ABTB2: variants seen among roughly 807,000 people sequenced by gnomAD.
ABTB2 encodes ankyrin repeat and BTB domain containing 2, also known as ankyrin repeat and BTB/POZ domain-containing protein 2.
In ABTB2, 56 loss-of-function variants were observed where a neutral mutation model predicts 104.1. The ratio of observed to expected loss-of-function variants is 0.54; its 90% CI spans 0.43 to 0.67. The LOEUF (loss-of-function observed/expected upper bound fraction) is 0.67. Ranked by LOEUF, ABTB2 falls within the 30% of genes least tolerant of loss-of-function variation. The pLI is 0.00. For missense variants in ABTB2, 1,279 were observed against 1,407.7 expected (o/e 0.91, Z 1.46); for synonymous variants, 606 against 608.2 (o/e 1.00, Z 0.05).
intron 1 of ABTB2, among the ~76,000 whole-genome samples, chr11:34,237,446 C>T (rs923597870): frequency 6.6e-6 from 1 of 151,956 alleles, no homozygotes; most frequent in Non-Finnish European, 1.5e-5. Flanking sequence ...CCTGGCCTTT[C>T]CTGGATATTC....
In ABTB2 at chr11:34,252,445, C is replaced by T. The variant is rs1854067345; in HGVS notation, c.884-47755G>A. 6.6e-6 allele frequency among the ~76,000 whole-genome samples: 1 copy of T among 152,132 alleles called. No individual in the cohort carries two copies. The highest frequency in any genetic ancestry group is 1.5e-5 in the Non-Finnish European group (1 of 68,026). ...CCTCCTCAGTCACAGGGGGAGAGTG[C>T]CATCTGGACATCATGACCTCCCCAC... On this transcript the variant is annotated intron_variant, in intron 1 of 16. Coordinates refer to ENST00000435224, the MANE Select transcript of ABTB2 (RefSeq NM_145804.3). This position sits in a 1 kb window ranked among gnomAD's most constrained non-coding sequence, Gnocchi z 5.5.
At position 34,171,037 on chromosome 11, in the gene ABTB2, C is replaced by T. The variant is rs372144525; in HGVS notation, c.1432G>A (p.Asp478Asn). 3.1e-6 allele frequency: 5 copies of T among 1,614,042 alleles called. No individual in the cohort carries two copies. The highest frequency in any genetic ancestry group is 4.5e-5 in the East Asian group (2 of 44,900). The change falls in exon 5 of 17, where the codon GAT (aspartate) becomes AAT (asparagine). Residue 478 changes from aspartate (D) to asparagine (N), a missense_variant. Asp to Asn is a conservative substitution (Grantham distance 23). Transcript: ENST00000435224. ...EHCFSSFRRLDARAATEKFNQ... is the reference protein window; with the variant it reads ...EHCFSSFRRLNARAATEKFNQ... ...AATTTTTCAGTAGCTGCTCGGGCAT[C>T]CAGCCTCCGGAAGGAACTGAAACAG...
intron 1 of ABTB2, among the ~76,000 whole-genome samples, chr11:34,343,983 C>T (rs1293081700): frequency 6.6e-6 from 1 of 152,154 alleles, no homozygotes; most frequent in African/African-American, 2.4e-5. Context: ...GCACCCTGCC[C>T]CTCCTGAGCA....
intron 1 of ABTB2, among the ~76,000 whole-genome samples, chr11:34,337,250 T>A (rs1315853527): frequency 1.3e-5 from 2 of 151,852 alleles, no homozygotes; most frequent in African/African-American, 4.8e-5. Flanking sequence ...GGGAGAAGAG[T>A]TGCATGCAGG....
chr11:34,313,583 G>A (rs61585694), intron 1 of ABTB2, among the ~76,000 whole-genome samples: 3,568 of 152,276 alleles, frequency 0.023, 137 homozygotes, highest in African/African-American at 0.077. Flanking sequence ...GAGGATGTGC[G>A]GAGAATATCT....
chr11:34,241,762 T>C (rs1183256138), intron 1 of ABTB2, among the ~76,000 whole-genome samples: 1 of 152,218 alleles, frequency 6.6e-6, no homozygotes, highest in Non-Finnish European at 1.5e-5. Flanking sequence ...AATCCCCATC[T>C]TGTATTCACC....
chr11:34,274,158 C>CAAAAAAAAA (rs763755237), intron 1 of ABTB2, among the ~76,000 whole-genome samples: 2 of 50,744 alleles, frequency 3.9e-5, no homozygotes. Flanking sequence ...GACTCCGTCT[C>CAAAAAAAAA]AAAAAAAAAA....
intron 16 of ABTB2, among the ~76,000 whole-genome samples, 175 bp from the exon 17 acceptor site, chr11:34,152,759 AG>A (rs1317743380): frequency 1.3e-5 from 2 of 152,154 alleles, no homozygotes; most frequent in Non-Finnish European, 2.9e-5. Flanking sequence ...TGAACTGTTC[AG>A]CCCCCGTCAT....
At chr11:34,311,863 G>A (rs1453694882) in intron 1 of ABTB2, among the ~76,000 whole-genome samples, 7 of 152,172 alleles carry the variant, frequency 4.6e-5, no homozygotes, top group Non-Finnish European at 8.8e-5. Flanking sequence ...AATGGGGGCC[G>A]GGCATGGTGG....
chr11:34,293,822 T>C (rs1004467629), intron 1 of ABTB2, among the ~76,000 whole-genome samples: 7 of 152,106 alleles, frequency 4.6e-5, no homozygotes, highest in Admixed American at 6.6e-5. Context: ...CCTCCTGGGT[T>C]CAAGCGATTC....
chr11:34,314,763 AG>A (rs573417116), intron 1 of ABTB2, among the ~76,000 whole-genome samples: 136 of 152,290 alleles, frequency 8.9e-4, no homozygotes, highest in African/African-American at 3.1e-3. Flanking sequence ...TGAAAATGGG[AG>A]GCTCCTTGTT....
rs535045787 is a variant in ABTB2 at position 34,327,226 on chromosome 11, C to G, written c.883+29475G>C. On this transcript the variant is annotated intron_variant, in intron 1 of 16. Transcript: ENST00000435224. Reference sequence around the variant, plus strand: ...ATTAAATGTATGGAAAAACATTACGCAAACGTATCAAAAGAAAGCTGGAGT... The same window carrying G: ...ATTAAATGTATGGAAAAACATTACGGAAACGTATCAAAAGAAAGCTGGAGT... Among the ~76,000 whole-genome samples, 10 of 152,310 alleles carry G rather than the reference C, an allele frequency of 6.6e-5. No homozygotes were observed. The East Asian group carries it at 1.7e-3, about 26-fold the overall frequency.
chr11:34,206,808 C>G (rs1357455865), intron 1 of ABTB2, among the ~76,000 whole-genome samples: 1 of 152,170 alleles, frequency 6.6e-6, no homozygotes, highest in Non-Finnish European at 1.5e-5. Context: ...GCTTGACCTT[C>G]CCCTGACCCA....
At chr11:34,247,953 T>C (rs1854005057) in intron 1 of ABTB2, among the ~76,000 whole-genome samples, 1 of 152,194 alleles carries the variant, frequency 6.6e-6, no homozygotes, top group East Asian at 1.9e-4. Flanking sequence ...GGCATGTATA[T>C]GCTGTGTATT....
chr11:34,199,911 G>A (rs937420875), intron 2 of ABTB2, among the ~76,000 whole-genome samples: 4 of 152,182 alleles, frequency 2.6e-5, no homozygotes, highest in South Asian at 2.1e-4. Context: ...CCTACGGGCC[G>A]CCTCCTGTGG....
intron 3 of ABTB2, among the ~76,000 whole-genome samples, chr11:34,181,232 C>G (rs1193686390): frequency 7.3e-6 from 1 of 136,600 alleles, no homozygotes; most frequent in Non-Finnish European, 1.6e-5. Flanking sequence ...GCCCCTGCAG[C>G]CTGGAAAACA....
chr11:34,243,318 C>T (rs1227585037), intron 1 of ABTB2, among the ~76,000 whole-genome samples: 1 of 152,078 alleles, frequency 6.6e-6, no homozygotes, highest in African/African-American at 2.4e-5. Context: ...TGTCGCCCAG[C>T]CTGGAGTGCA....
chr11:34,159,754 G>T (rs1590201734), intron 13 of ABTB2, 152 bp downstream of exon 13: 1 of 666,626 alleles, frequency 1.5e-6, no homozygotes. Context: ...ATCCCGCTGT[G>T]GGGCGAGTGG....
intron 1 of ABTB2, among the ~76,000 whole-genome samples, chr11:34,293,141 A>G (rs959304111): frequency 6.6e-6 from 1 of 152,108 alleles, no homozygotes; most frequent in Admixed American, 6.5e-5. Flanking sequence ...CAGACTGGGT[A>G]TGGTGTGTGA....
Sources: gnomAD v4.1 joint callset for allele counts (sites outside exome capture counted in the v4.1 genomes callset) on GRCh38, gnomAD v4.1.1 for gene constraint, Gnocchi (gnomAD v3.1) non-coding constraint, MANE v1.5 for transcripts, NCBI Gene and HGNC (gene_info 2026-07-23, HGNC 2026-07-21) for gene names.